The following SPATS2 variants were observed in gnomAD, a reference collection of about 807,000 sequenced individuals.
SPATS2 encodes spermatogenesis associated serine rich 2.
In SPATS2, 38 loss-of-function variants were observed where a neutral mutation model predicts 63.7. That is an observed-to-expected ratio of 0.60 (90% CI 0.46 to 0.78). The LOEUF is 0.78. SPATS2 is among the 30% of genes least tolerant of loss of function. The probability of loss-of-function intolerance (pLI) is 0.00; values close to 1 mark genes in which losing one functional copy is unlikely to be tolerated. For synonymous variants in SPATS2, 207 were observed against 232.9 expected (o/e 0.89, Z 1.01); for missense variants, 588 against 666.2 (o/e 0.88, Z 1.29).
intron 9 of SPATS2, among the ~76,000 whole-genome samples, chr12:49,514,150 G>A (rs982439015): frequency 1.3e-4 from 16 of 127,698 alleles, no homozygotes; most frequent in South Asian, 2.3e-4. Context: ...GCGAGACTCC[G>A]TCTCAAAAAA....
intron 3 of SPATS2, among the ~76,000 whole-genome samples, chr12:49,475,810 A>G (rs1946107455): frequency 6.6e-6 from 1 of 152,162 alleles, no homozygotes; most frequent in Non-Finnish European, 1.5e-5. Context: ...ACTGCATTTC[A>G]TTTCGTATGT....
At chr12:49,430,239 T>A (rs1347954908) in intron 2 of SPATS2, among the ~76,000 whole-genome samples, 1 of 151,398 alleles carries the variant, frequency 6.6e-6, no homozygotes, top group Non-Finnish European at 1.5e-5. Flanking sequence ...TAGCTGGGAT[T>A]ACAGCACGCC....
chr12:49,383,777 G>C (rs1185134740), intron 2 of SPATS2, among the ~76,000 whole-genome samples: 1 of 152,036 alleles, frequency 6.6e-6, no homozygotes, highest in African/African-American at 2.4e-5. Context: ...CCAATTAATG[G>C]ATATATCTAG....
At chr12:49,436,773 G>A (rs1189883470) in intron 2 of SPATS2, among the ~76,000 whole-genome samples, 2 of 142,288 alleles carry the variant, frequency 1.4e-5, no homozygotes, top group African/African-American at 2.6e-5. Flanking sequence ...GCGGCTGGCC[G>A]GGCAGAGGGG....
chr12:49,380,093 G>T (rs1944188167), intron 2 of SPATS2, among the ~76,000 whole-genome samples: 2 of 151,278 alleles, frequency 1.3e-5, no homozygotes, highest in African/African-American at 2.4e-5. Flanking sequence ...GACCTTTTGT[G>T]TCTGGCTTTT....
intron 3 of SPATS2, among the ~76,000 whole-genome samples, chr12:49,481,829 A>G (rs1482017200): frequency 6.6e-6 from 1 of 152,096 alleles, no homozygotes; most frequent in African/African-American, 2.4e-5. Context: ...ACCCAGGATT[A>G]GAGAATATTT....
In SPATS2 at chr12:49,433,499, T is replaced by A. The variant is rs184585565; in HGVS notation, c.-243-27271T>A. Among the ~76,000 whole-genome samples the A allele has an allele frequency of 7.2e-4, 110 of 152,292 alleles. 1 individual carries two copies. The highest frequency in any genetic ancestry group is 1.9e-3 in the South Asian group (9 of 4,828). ...TTTGCTTTTTTAAGAGCACATGAGCTCCTGATCATTGTGGTTTTGATTTGC... is the reference window on the plus strand; with the variant it reads ...TTTGCTTTTTTAAGAGCACATGAGCACCTGATCATTGTGGTTTTGATTTGC... On this transcript the variant is annotated intron_variant, in intron 2 of 13. Transcript: ENST00000552918.
chr12:49,508,426 G>A (rs907469055), intron 9 of SPATS2, among the ~76,000 whole-genome samples: 4 of 152,066 alleles, frequency 2.6e-5, no homozygotes, highest in Admixed American at 6.5e-5. Context: ...CAGGCTGGTC[G>A]CAAACTCCTG....
At chr12:49,453,689 T>C (rs1945665345) in intron 2 of SPATS2, among the ~76,000 whole-genome samples, 1 of 151,810 alleles carries the variant, frequency 6.6e-6, no homozygotes, top group African/African-American at 2.4e-5. Context: ...GGTATGTGCC[T>C]GTAGTTGCAG....
At chr12:49,523,012 A>T (rs1283219512) in intron 12 of SPATS2, among the ~76,000 whole-genome samples, 159 bp downstream of exon 12, 1 of 152,180 alleles carries the variant, frequency 6.6e-6, no homozygotes, top group Admixed American at 6.5e-5. Flanking sequence ...GGGTGCAGAT[A>T]CTTTGAACTC....
intron 10 of SPATS2, among the ~76,000 whole-genome samples, 198 bp from the exon 11 acceptor site, chr12:49,518,875 A>T (rs1946892066): frequency 6.6e-6 from 1 of 152,238 alleles, no homozygotes; most frequent in South Asian, 2.1e-4. Context: ...TTTGTGATTT[A>T]TAAAAAATAT....
At chr12:49,485,828 C>G (rs530849721) in intron 4 of SPATS2, among the ~76,000 whole-genome samples, 2 of 146,886 alleles carry the variant, frequency 1.4e-5, no homozygotes, top group South Asian at 4.3e-4. Context: ...GACGCAGTCT[C>G]GGCTCCCTTT....
chr12:49,447,616 T>G (rs1945538258), intron 2 of SPATS2, among the ~76,000 whole-genome samples: 1 of 152,232 alleles, frequency 6.6e-6, no homozygotes, highest in African/African-American at 2.4e-5. Context: ...CAATCTGGCC[T>G]TGTGCTTTTT....
At position 49,526,379 on chromosome 12, in the gene SPATS2, C is replaced by A. The variant is rs751704400; in HGVS notation, c.*124C>A. ...TATGCGTATCACTTTTTGTGCCATT[C>A]TAAGTATTTTTGGTTTCTTGTCTCC... On this transcript the variant is annotated 3_prime_UTR_variant, in exon 14 of 14. Transcript: ENST00000552918. 4.1e-6 allele frequency: 5 copies of A among 1,229,730 alleles called. No individual in the cohort carries two copies. The highest frequency in any genetic ancestry group is 5.5e-6 in the Non-Finnish European group (5 of 909,148). The allele number at this position is 1,229,730 out of a possible 1,614,324, so 76.2% of individuals were successfully genotyped here.
intron 2 of SPATS2, among the ~76,000 whole-genome samples, chr12:49,446,652 C>G (rs1374121072): frequency 6.6e-6 from 1 of 152,184 alleles, no homozygotes; most frequent in Non-Finnish European, 1.5e-5. Context: ...TTTGCCACAT[C>G]TCTGTGATGC....
chr12:49,513,837 T>G (rs1946792982), intron 9 of SPATS2, among the ~76,000 whole-genome samples: 1 of 152,066 alleles, frequency 6.6e-6, no homozygotes, highest in Admixed American at 6.6e-5. Context: ...CCATCAAATT[T>G]TATAGACCAA....
intron 6 of SPATS2, 107 bp downstream of exon 6, chr12:49,490,838 T>A: frequency 1.9e-6 from 2 of 1,077,622 alleles, no homozygotes; most frequent in Non-Finnish European, 2.7e-6. Context: ...ATCTTCTGTT[T>A]ACCTGGTTAA....
intron 1 of SPATS2, among the ~76,000 whole-genome samples, chr12:49,369,244 G>C (rs1943958242): frequency 1.3e-5 from 2 of 151,982 alleles, no homozygotes; most frequent in African/African-American, 2.4e-5. Context: ...GGCCAGGCTG[G>C]TCTCGAACTC....
intron 9 of SPATS2, among the ~76,000 whole-genome samples, chr12:49,509,988 G>A (rs181088630): frequency 2.2e-4 from 33 of 152,064 alleles, no homozygotes; most frequent in African/African-American, 8.0e-4. Context: ...CATTTATGGT[G>A]GCTCATACCT....
Sources: allele counts gnomAD v4.1 joint callset (sites outside exome capture counted in the v4.1 genomes callset), GRCh38; gene constraint gnomAD v4.1.1; transcripts MANE v1.5; gene names NCBI Gene and HGNC (gene_info 2026-07-23, HGNC 2026-07-21).